The following SHISA6 variants were observed in gnomAD, a reference collection of about 807,000 sequenced individuals.
SHISA6 encodes protein shisa-6.
A neutral mutation model predicts 47.9 loss-of-function variants in SHISA6; 22 were observed. The ratio of observed to expected loss-of-function variants is 0.46; its 90% CI spans 0.33 to 0.66. The LOEUF is 0.66. Ranked by LOEUF, SHISA6 falls within the 30% of genes least tolerant of loss-of-function variation. SHISA6 has a pLI of 0.02. For missense variants in SHISA6, 680 were observed against 764.6 expected, an observed-to-expected ratio of 0.89 and a Z score of 1.30; for synonymous variants, 388 against 337.8, an observed-to-expected ratio of 1.15 and a Z score of -1.63.
rs189360025 is a variant in SHISA6 at position 11,369,469 on chromosome 17, C to G, written c.800-9945C>G. Among the ~76,000 whole-genome samples, 376 of 152,262 alleles carry G rather than the reference C, an allele frequency of 2.5e-3. 7 individuals carry two copies. The highest frequency in any genetic ancestry group is 5.1e-4 in the Non-Finnish European group (35 of 68,018). ...CATTCATTTGGATTCACTCATAGGA[C>G]GCTCAGTGTTTTTGCAGAATGTGAG... On this transcript the variant is annotated intron_variant, in intron 2 of 5. Transcript: ENST00000441885.
intron 3 of SHISA6, among the ~76,000 whole-genome samples, chr17:11,432,811 G>A (rs1055743547): frequency 6.6e-5 from 10 of 151,880 alleles, no homozygotes; most frequent in South Asian, 2.1e-4. Flanking sequence ...AAAAACCCAC[G>A]TATTGTATGA....
At position 11,263,523 on chromosome 17, in the gene SHISA6, C is replaced by T; in HGVS notation, c.796C>T (p.Pro266Ser). Residue 266 changes from proline to serine, a missense_variant, in exon 2 of 6, where the codon CCA becomes TCA. This residue lies in a region of SHISA6 where 559 missense variants were observed against 674.1 expected (regional missense o/e 0.83). Coordinates refer to ENST00000441885, the MANE Select transcript of SHISA6 (RefSeq NM_207386.4). ...YTPVRTAKQT[P>S]GHYGKDAYRS... ...TCCTGTGCGTACGGCCAAGCAGACTCCAGGTAAGTAACAGCTGGGCACCTT... is the reference window on the plus strand; with the variant it reads ...TCCTGTGCGTACGGCCAAGCAGACTTCAGGTAAGTAACAGCTGGGCACCTT... 6.4e-7 allele frequency: 1 copy of T among 1,551,628 alleles called. No homozygotes were observed. The highest frequency in any genetic ancestry group is 8.7e-7 in the Non-Finnish European group (1 of 1,146,970).
At chr17:11,529,739 A>T (rs558944636) in intron 3 of SHISA6, among the ~76,000 whole-genome samples, 12 of 152,218 alleles carry the variant, frequency 7.9e-5, no homozygotes, top group Non-Finnish European at 1.6e-4. Flanking sequence ...GATAAGACAA[A>T]TGATTTTGGG....
At chr17:11,517,983 G>T (rs916847975) in intron 3 of SHISA6, among the ~76,000 whole-genome samples, 5 of 152,034 alleles carry the variant, frequency 3.3e-5, no homozygotes, top group South Asian at 2.1e-4. Flanking sequence ...TTGCCAGAGG[G>T]TTTATCAAAG....
At chr17:11,484,165 T>C (rs1033623312) in intron 3 of SHISA6, among the ~76,000 whole-genome samples, 9 of 152,192 alleles carry the variant, frequency 5.9e-5, no homozygotes, top group Non-Finnish European at 1.2e-4. Context: ...TGTAAAAGGA[T>C]ACAATTAAAT....
At chr17:11,516,363 G>T (rs2071585634) in intron 3 of SHISA6, among the ~76,000 whole-genome samples, 1 of 152,168 alleles carries the variant, frequency 6.6e-6, no homozygotes, top group South Asian at 2.1e-4. Context: ...TCCAATTCTA[G>T]TCCTGCTGCT....
intron 3 of SHISA6, among the ~76,000 whole-genome samples, chr17:11,531,601 T>G (rs1045329836): frequency 1.3e-5 from 2 of 152,154 alleles, no homozygotes; most frequent in African/African-American, 4.8e-5. Flanking sequence ...TTTCTACCTC[T>G]TAGAGTTGCT....
intron 3 of SHISA6, among the ~76,000 whole-genome samples, chr17:11,414,280 G>GTA (rs915250962): frequency 2.0e-5 from 3 of 152,176 alleles, no homozygotes; most frequent in Non-Finnish European, 2.9e-5. Flanking sequence ...CCACTTTGCA[G>GTA]TATCTCATTC....
At chr17:11,298,796 G>A (rs989936252) in intron 2 of SHISA6, among the ~76,000 whole-genome samples, 5 of 152,150 alleles carry the variant, frequency 3.3e-5, no homozygotes, top group Non-Finnish European at 7.4e-5. Flanking sequence ...CATGTTCCAA[G>A]TTCACTGTCA....
intron 2 of SHISA6, among the ~76,000 whole-genome samples, chr17:11,320,668 AAAGAGAGAGAG>A (rs772339649): frequency 4.7e-5 from 7 of 148,406 alleles, no homozygotes; most frequent in Non-Finnish European, 7.5e-5. Flanking sequence ...CCAAAAAAAA[AAAGAGAGAGAG>A]AGAGAGAGAG....
chr17:11,438,551 T>TA (rs929762561), intron 3 of SHISA6, among the ~76,000 whole-genome samples: 1 of 151,990 alleles, frequency 6.6e-6, no homozygotes, highest in African/African-American at 2.4e-5. Context: ...GGGAGGCAGA[T>TA]AGAGAGAGAG....
chr17:11,304,874 G>T (rs1203842717), intron 2 of SHISA6, among the ~76,000 whole-genome samples: 2 of 152,166 alleles, frequency 1.3e-5, no homozygotes, highest in African/African-American at 4.8e-5. Context: ...ACCTCTTCCT[G>T]CTGGGCTTCT....
chr17:11,353,240 C>T (rs946200597), intron 2 of SHISA6, among the ~76,000 whole-genome samples: 3 of 152,076 alleles, frequency 2.0e-5, no homozygotes, highest in African/African-American at 7.2e-5. Context: ...TGGCGGATCA[C>T]GAGGTCAGGA....
At chr17:11,357,882 A>G (rs1242014919) in intron 2 of SHISA6, among the ~76,000 whole-genome samples, 2 of 152,190 alleles carry the variant, frequency 1.3e-5, no homozygotes, top group Non-Finnish European at 2.9e-5. Context: ...ATTGTCCTGA[A>G]AAGACACTGT....
At chr17:11,458,063 T>TG (rs1329917176) in intron 3 of SHISA6, among the ~76,000 whole-genome samples, 1 of 143,126 alleles carries the variant, frequency 7.0e-6, no homozygotes, top group Non-Finnish European at 1.5e-5. Context: ...CCAGCCTGGA[T>TG]GACATAGCGA....
intron 2 of SHISA6, among the ~76,000 whole-genome samples, chr17:11,320,983 A>T (rs925965951): frequency 2.9e-4 from 44 of 152,326 alleles, no homozygotes; most frequent in Middle Eastern, 3.4e-3. Context: ...TCTGTATTAA[A>T]CTTAGAAATT....
chr17:11,427,120 C>T (rs748884532), intron 3 of SHISA6, among the ~76,000 whole-genome samples: 1 of 151,680 alleles, frequency 6.6e-6, no homozygotes, highest in Non-Finnish European at 1.5e-5. Context: ...ACCCCTCTTT[C>T]GTATGTTTGT....
chr17:11,524,481 CT>C (rs1243563900), intron 3 of SHISA6, among the ~76,000 whole-genome samples: 1 of 150,482 alleles, frequency 6.6e-6, no homozygotes. Flanking sequence ...AATTTCTTTT[CT>C]TTTTTTCTTT....
At chr17:11,539,310 G>A (rs2071813192) in intron 3 of SHISA6, among the ~76,000 whole-genome samples, 1 of 152,166 alleles carries the variant, frequency 6.6e-6, no homozygotes, top group African/African-American at 2.4e-5. Flanking sequence ...GGCATTATTT[G>A]TACCCCCCAA....
Sources: gnomAD v4.1 joint callset for allele counts (sites outside exome capture counted in the v4.1 genomes callset) on GRCh38, gnomAD v4.1.1 for gene constraint, gnomAD v4.1.1 regional missense constraint, MANE v1.5 for transcripts, NCBI Gene and HGNC (gene_info 2026-07-23, HGNC 2026-07-21) for gene names.